Variants in ANO10 observed in about 807,000 individuals in gnomAD.
ANO10 encodes anoctamin 10, also known as anoctamin-10.
A neutral mutation model predicts 74.7 loss-of-function variants in ANO10; 77 were observed. The observed-to-expected ratio is 1.03, with a 90% CI of 0.86 to 1.25. ANO10 has a LOEUF of 1.25. ANO10 is among the 50% of genes most tolerant of loss of function. ANO10 has a pLI of 0.00. For synonymous variants in ANO10, 279 were observed against 284.9 expected (o/e 0.98, Z 0.21); for missense variants, 721 against 778.1 (o/e 0.93, Z 0.87).
At chr3:43,453,174 TCC>T (rs140971310) in intron 11 of ANO10, among the ~76,000 whole-genome samples, 1 of 127,470 alleles carries the variant, frequency 7.8e-6, no homozygotes, top group African/African-American at 3.0e-5. Context: ...TATCTTCTTT[TCC>T]CCCTTTTTTT....
chr3:43,605,841 G>T lies in ANO10; in HGVS notation c.12C>A (p.Thr4=). ...TCTCAGAAGTATCCAAAGCTGATAA[G>T]GTCACTTTCATCTTTGACAAATCTG... MKV[T]LSALDTSESS... The change falls in exon 2 of 13, where the codon ACC becomes ACA. Residue 4 remains threonine, a synonymous_variant. Coordinates refer to ENST00000292246, the MANE Select transcript of ANO10 (RefSeq NM_018075.5). The T allele has an allele frequency of 3.1e-6, 5 of 1,613,586 alleles. No individual in the cohort carries two copies. Among genetic ancestry groups the T allele is most frequent in the African/African-American group, 2.7e-5 (2 of 75,012 alleles).
At chr3:43,690,952 C>T (rs1575595738) in intron 1 of ANO10, 3 of 1,547,744 alleles carry the variant, frequency 1.9e-6, no homozygotes, top group African/African-American at 1.4e-5. Flanking sequence ...GGCCTGTCAG[C>T]CGGCTTCGAG....
intron 12 of ANO10, among the ~76,000 whole-genome samples, chr3:43,395,662 C>T (rs932527981): frequency 9.9e-5 from 15 of 151,982 alleles, no homozygotes; most frequent in Non-Finnish European, 2.1e-4. Context: ...GTATAATAAG[C>T]TTTGAAATCA....
At chr3:43,490,765 G>A (rs1050607807) in intron 11 of ANO10, among the ~76,000 whole-genome samples, 1 of 152,194 alleles carries the variant, frequency 6.6e-6, no homozygotes, top group Non-Finnish European at 1.5e-5. Flanking sequence ...AGTTAGTCAG[G>A]CATGAGGAGG....
Position 43,576,976 on chromosome 3 carries a change from C to T in ANO10, c.878G>A (p.Gly293Asp). Residue 293 changes from glycine to aspartate, a missense_variant, in exon 6 of 13, where the codon GGT (glycine) becomes GAT (aspartate). Physicochemically the swap from Gly to Asp is moderately conservative, Grantham distance 94. Coordinates refer to ENST00000292246, the MANE Select transcript of ANO10 (RefSeq NM_018075.5). ...EPRPGFHGVL[G>D]INSITGKEEP... Reference sequence around the variant, plus strand: ...CTCCTTCCCAGTGATGGAATTGATACCCAAGACACCATGAAATCCTGGCCG... The same window carrying T: ...CTCCTTCCCAGTGATGGAATTGATATCCAAGACACCATGAAATCCTGGCCG... 1 of 1,613,708 alleles carries T rather than the reference C, an allele frequency of 6.2e-7. No homozygotes were observed. Among genetic ancestry groups the T allele is most frequent in the Middle Eastern group, 1.7e-4 (1 of 6,060 alleles).
chr3:43,419,031 C>T (rs1217064976), intron 12 of ANO10, among the ~76,000 whole-genome samples: 5 of 152,334 alleles, frequency 3.3e-5, no homozygotes, highest in Middle Eastern at 3.4e-3. Flanking sequence ...AAAAGTTTGC[C>T]AACTCCTAGC....
intron 12 of ANO10, among the ~76,000 whole-genome samples, chr3:43,376,904 C>T (rs904932349): frequency 6.6e-6 from 1 of 152,088 alleles, no homozygotes; most frequent in East Asian, 1.9e-4. Flanking sequence ...CAGATGCCAG[C>T]GAGGTCTACA....
At chr3:43,598,899 T>C (rs889313945) in intron 3 of ANO10, among the ~76,000 whole-genome samples, 3 of 152,218 alleles carry the variant, frequency 2.0e-5, no homozygotes, top group Admixed American at 2.0e-4. Context: ...TTTTAATACT[T>C]ATATTAGAAA....
chr3:43,615,711 TG>T (rs1263836358), intron 1 of ANO10, among the ~76,000 whole-genome samples: 1 of 151,988 alleles, frequency 6.6e-6, no homozygotes, highest in Non-Finnish European at 1.5e-5. Context: ...TGGAGTGCAG[TG>T]GCGCAATCTC....
intron 9 of ANO10, among the ~76,000 whole-genome samples, chr3:43,559,393 G>C (rs972956876): frequency 1.3e-5 from 2 of 152,120 alleles, no homozygotes; most frequent in African/African-American, 4.8e-5. Context: ...CAGAGAAAAA[G>C]AACAGCTGAA....
intron 1 of ANO10, chr3:43,691,116 C>G: frequency 7.2e-7 from 1 of 1,386,830 alleles, no homozygotes; most frequent in South Asian, 1.6e-5. Context: ...GCCCAGCGGG[C>G]AGCACCAAGG....
At chr3:43,591,892 C>A (rs1403851084) in intron 4 of ANO10, among the ~76,000 whole-genome samples, 5 of 152,248 alleles carry the variant, frequency 3.3e-5, no homozygotes, top group African/African-American at 1.2e-4. Context: ...TTGGGTCACC[C>A]TGACCCTAAC....
intron 1 of ANO10, chr3:43,691,039 G>C (rs2084365740): frequency 6.4e-7 from 1 of 1,556,166 alleles, no homozygotes; most frequent in Non-Finnish European, 8.7e-7. Flanking sequence ...ACCGGAGAGA[G>C]GTAAGCGCAG....
intron 11 of ANO10, among the ~76,000 whole-genome samples, chr3:43,530,626 C>G (rs2078419739): frequency 6.6e-6 from 1 of 151,986 alleles, no homozygotes; most frequent in Non-Finnish European, 1.5e-5. Context: ...ACCCCACATT[C>G]ACATAACTTT....
chr3:43,566,538 G>A (rs866863805), intron 7 of ANO10, among the ~76,000 whole-genome samples: 1 of 152,156 alleles, frequency 6.6e-6, no homozygotes, highest in Admixed American at 6.5e-5. Context: ...CCTGACCCCC[G>A]AGCAGCCTAA....
chr3:43,662,968 G>C (rs1244741707), intron 1 of ANO10, among the ~76,000 whole-genome samples: 1 of 152,212 alleles, frequency 6.6e-6, no homozygotes, highest in African/African-American at 2.4e-5. Flanking sequence ...GAGGTACAAA[G>C]AGGAGCTGGT....
At chr3:43,589,878 T>G (rs1276433194) in intron 4 of ANO10, among the ~76,000 whole-genome samples, 6 of 152,212 alleles carry the variant, frequency 3.9e-5, no homozygotes, top group Non-Finnish European at 8.8e-5. Flanking sequence ...CAAAATATAT[T>G]GTTAAATAAA....
At chr3:43,528,926 T>C (rs1442730732) in intron 11 of ANO10, among the ~76,000 whole-genome samples, 1 of 151,522 alleles carries the variant, frequency 6.6e-6, no homozygotes, top group Non-Finnish European at 1.5e-5. Flanking sequence ...ATCACTGTAC[T>C]CCAGCCTGGG....
At chr3:43,395,472 A>G (rs770901523) in intron 12 of ANO10, among the ~76,000 whole-genome samples, 5 of 152,124 alleles carry the variant, frequency 3.3e-5, no homozygotes, top group Admixed American at 6.5e-5. Context: ...TTTTGGTATG[A>G]TGTATGGGTC....
Sources: gnomAD v4.1 joint callset for allele counts (sites outside exome capture counted in the v4.1 genomes callset) on GRCh38, gnomAD v4.1.1 for gene constraint, MANE v1.5 for transcripts, NCBI Gene and HGNC (gene_info 2026-07-23, HGNC 2026-07-21) for gene names.